Variants in HHLA2 observed in about 807,000 individuals in gnomAD.
HHLA2 encodes HHLA2 member of B7 family, also known as HERV-H LTR-associating protein 2.
In HHLA2, 48 loss-of-function variants were observed where a neutral mutation model predicts 45.9. The observed-to-expected ratio is 1.05, with a 90% CI of 0.83 to 1.33. The LOEUF (loss-of-function observed/expected upper bound fraction) is 1.33. HHLA2 is among the 40% of genes most tolerant of loss of function. The probability of loss-of-function intolerance (pLI) is 0.00; values close to 1 mark genes in which losing one functional copy is unlikely to be tolerated. For synonymous variants in HHLA2, 161 were observed against 173.9 expected (o/e 0.93, Z 0.59); for missense variants, 462 against 494.3 (o/e 0.93, Z 0.62).
exon 7 of HHLA2, chr3:108,357,886 G>A (rs539065614): frequency 1.2e-6 from 2 of 1,613,654 alleles, no homozygotes; most frequent in East Asian, 2.2e-5. Context: ...TCACTCTCAT[G>A]TCAACCTGTA....
At chr3:108,352,145 AT>A (rs10718672) in intron 4 of HHLA2, among the ~76,000 whole-genome samples, 102,544 of 150,466 alleles carry the variant, frequency 0.68, 35,629 homozygotes, top group African/African-American at 0.77. Context: ...TGATTGATTG[AT>A]TTTTTTTTTT....
intron 2 of HHLA2, among the ~76,000 whole-genome samples, chr3:108,315,605 C>T (rs1368587366): frequency 6.6e-6 from 1 of 152,190 alleles, no homozygotes; most frequent in Non-Finnish European, 1.5e-5. Context: ...ATGTTAAGAG[C>T]AGACCTATAT....
chr3:108,367,007 G>A (rs1463128949), intron 8 of HHLA2, among the ~76,000 whole-genome samples: 1 of 152,194 alleles, frequency 6.6e-6, no homozygotes, highest in African/African-American at 2.4e-5. Context: ...CCAGAGGAAG[G>A]AGCAGGCAGC....
At chr3:108,301,371 A>C (rs1452527725) in intron 1 of HHLA2, among the ~76,000 whole-genome samples, 1 of 152,156 alleles carries the variant, frequency 6.6e-6, no homozygotes, top group Non-Finnish European at 1.5e-5. Flanking sequence ...AGATGACTGA[A>C]TACTAAGTAT....
intron 2 of HHLA2, among the ~76,000 whole-genome samples, chr3:108,321,638 T>G (rs546333825): frequency 6.6e-6 from 1 of 152,294 alleles, no homozygotes; most frequent in Non-Finnish European, 1.5e-5. Context: ...TTTGTGTGAA[T>G]GCTTTCATCC....
intron 2 of HHLA2, among the ~76,000 whole-genome samples, chr3:108,319,515 A>C (rs894684864): frequency 6.6e-6 from 1 of 152,330 alleles, no homozygotes; most frequent in African/African-American, 2.4e-5. Flanking sequence ...TGAAGAACCC[A>C]AAATAATACA....
chr3:108,325,928 T>C, intron 2 of HHLA2: 1 of 392,454 alleles, frequency 2.5e-6, no homozygotes, highest in Admixed American at 2.7e-5. Flanking sequence ...TTTCCTTATT[T>C]CATGATTGTG....
At chr3:108,301,060 A>G (rs1172187008) in intron 1 of HHLA2, among the ~76,000 whole-genome samples, 1 of 152,188 alleles carries the variant, frequency 6.6e-6, no homozygotes, top group Non-Finnish European at 1.5e-5. Context: ...ATACATGCAC[A>G]ATATCTCTTC....
At chr3:108,328,791 A>G (rs2081334951) in intron 3 of HHLA2, among the ~76,000 whole-genome samples, 1 of 151,794 alleles carries the variant, frequency 6.6e-6, no homozygotes, top group African/African-American at 2.4e-5. Context: ...TTGCAGTAGT[A>G]GTTGTTATAT....
chr3:108,353,999 T>C (rs2081838698), intron 5 of HHLA2, among the ~76,000 whole-genome samples: 1 of 152,196 alleles, frequency 6.6e-6, no homozygotes, highest in African/African-American at 2.4e-5. Flanking sequence ...TTACATTACA[T>C]GGTTGTGATG....
intron 8 of HHLA2, 82 bp from the exon 8 acceptor site, chr3:108,375,668 G>T (rs947178917): frequency 2.0e-6 from 3 of 1,523,118 alleles, no homozygotes; most frequent in East Asian, 2.5e-5. Flanking sequence ...TTGAAGGACA[G>T]AGCCATACCA....
intron 3 of HHLA2, among the ~76,000 whole-genome samples, chr3:108,333,062 T>G (rs775011369): frequency 3.3e-5 from 5 of 152,184 alleles, no homozygotes; most frequent in Non-Finnish European, 5.9e-5. Context: ...GTGCAGAAAT[T>G]TAAGAGCTCA....
chr3:108,310,844 C>T (rs534975148), intron 2 of HHLA2, 103 bp downstream of exon 2: 10 of 152,648 alleles, frequency 6.6e-5, no homozygotes, highest in African/African-American at 2.4e-4. Context: ...TCATCTTTAG[C>T]ACAAATGAAG....
At chr3:108,317,825 A>G (rs897989040) in intron 2 of HHLA2, among the ~76,000 whole-genome samples, 1 of 152,046 alleles carries the variant, frequency 6.6e-6, no homozygotes, top group African/African-American at 2.4e-5. Flanking sequence ...CGCCCGCCTC[A>G]GCCTCCCAAA....
chr3:108,300,997 TTCTC>T (rs1301282517), intron 1 of HHLA2, among the ~76,000 whole-genome samples: 5 of 152,122 alleles, frequency 3.3e-5, no homozygotes, highest in Non-Finnish European at 5.9e-5. Flanking sequence ...AGAATTTCCT[TTCTC>T]TCATTTTCAC....
At chr3:108,308,760 G>A (rs893897681) in intron 1 of HHLA2, among the ~76,000 whole-genome samples, 4 of 152,142 alleles carry the variant, frequency 2.6e-5, no homozygotes, top group Non-Finnish European at 5.9e-5. Flanking sequence ...TCTCTGATCA[G>A]TGATGTTGAG....
chr3:108,333,773 T>G (rs112481666), intron 3 of HHLA2, among the ~76,000 whole-genome samples: 1 of 152,218 alleles, frequency 6.6e-6, no homozygotes, highest in African/African-American at 2.4e-5. Context: ...GGCAGCCAGC[T>G]TTAATTTCAA....
intron 8 of HHLA2, among the ~76,000 whole-genome samples, chr3:108,370,280 G>A (rs978383275): frequency 2.6e-5 from 4 of 152,042 alleles, no homozygotes; most frequent in African/African-American, 9.7e-5. Context: ...TTTGTTAGAA[G>A]GAAAACTAAC....
intron 2 of HHLA2, among the ~76,000 whole-genome samples, chr3:108,311,387 T>C (rs1256975642): frequency 6.6e-6 from 1 of 152,228 alleles, no homozygotes; most frequent in African/African-American, 2.4e-5. Flanking sequence ...GGCTAACATT[T>C]TGAAAACATC....
Sources: allele counts gnomAD v4.1 joint callset (sites outside exome capture counted in the v4.1 genomes callset), GRCh38; gene constraint gnomAD v4.1.1; transcripts MANE v1.5; gene names NCBI Gene and HGNC (gene_info 2026-07-23, HGNC 2026-07-21).